The following USP6NL variants were observed in gnomAD, a reference collection of about 807,000 sequenced individuals.
USP6NL encodes USP6 N-terminal-like protein.
In USP6NL, 26 loss-of-function variants were observed where a neutral mutation model predicts 61.9. The ratio of observed to expected loss-of-function variants is 0.42; its 90% confidence interval spans 0.31 to 0.58. USP6NL has a LOEUF of 0.58. Ranked by LOEUF, USP6NL falls within the 20% of genes least tolerant of loss-of-function variation. USP6NL has a pLI of 0.16. For missense variants in USP6NL, 1,114 were observed against 1,034.3 expected, an observed-to-expected ratio of 1.08 and a Z score of -1.06; for synonymous variants, 432 against 390.1, an observed-to-expected ratio of 1.11 and a Z score of -1.27.
intron 14 of USP6NL, among the ~76,000 whole-genome samples, chr10:11,469,806 C>T (rs1227949597): frequency 3.3e-5 from 5 of 152,230 alleles, no homozygotes; most frequent in Admixed American, 3.3e-4. Flanking sequence ...TGCCAGCTCA[C>T]TCCTGCTTTC....
intron 14 of USP6NL, among the ~76,000 whole-genome samples, chr10:11,471,537 TG>T (rs1832749602): frequency 6.6e-6 from 1 of 152,216 alleles, no homozygotes; most frequent in Non-Finnish European, 1.5e-5. Context: ...GTATGTTTAC[TG>T]TGGCACTATT....
intron 1 of USP6NL, among the ~76,000 whole-genome samples, chr10:11,608,742 T>C (rs1838786017): frequency 6.6e-6 from 1 of 152,144 alleles, no homozygotes; most frequent in Admixed American, 6.5e-5. Context: ...ACTCAAAAAA[T>C]AATGGTTGAA....
intron 6 of USP6NL, among the ~76,000 whole-genome samples, chr10:11,506,338 T>C (rs1834431020): frequency 6.6e-6 from 1 of 152,158 alleles, no homozygotes; most frequent in Non-Finnish European, 1.5e-5. Context: ...CTTCACTTCA[T>C]AGACTATATT....
At position 11,602,184 on chromosome 10, in the gene USP6NL, A is replaced by C. The variant is rs777948406; in HGVS notation, c.-83-4467T>G. On this transcript the variant is annotated intron_variant, in intron 1 of 14. Coordinates refer to ENST00000609104, the MANE Select transcript of USP6NL (RefSeq NM_014688.5). This position sits in a 1 kb window ranked among gnomAD's most constrained non-coding sequence, Gnocchi z 4.8. ...TAAAGAAATTCAATGACAATGAATG[A>C]ATAAACAACGAGCAACGTATTTAAC... Among the ~76,000 whole-genome samples the C allele has an allele frequency of 2.0e-4, 31 of 152,194 alleles. No individual in the cohort carries two copies. The highest frequency in any genetic ancestry group is 4.1e-4 in the Non-Finnish European group (28 of 68,032).
chr10:11,515,930 G>T (rs868160849), intron 5 of USP6NL, among the ~76,000 whole-genome samples: 2 of 152,040 alleles, frequency 1.3e-5, no homozygotes, highest in Non-Finnish European at 2.9e-5. Flanking sequence ...AGATTTTTTT[G>T]ATATAAATAG....
rs371788306 is a variant in USP6NL at position 11,574,807 on chromosome 10, T to C, written c.4+22824A>G. Reference sequence around the variant, plus strand: ...GTTAAAGGCTTGTTATTTTCCCATTTTTCAGCTGGACAACTGAGCACAGTG... The same window carrying C: ...GTTAAAGGCTTGTTATTTTCCCATTCTTCAGCTGGACAACTGAGCACAGTG... On this transcript the variant is annotated intron_variant, in intron 2 of 14. Coordinates refer to ENST00000609104, the MANE Select transcript of USP6NL (RefSeq NM_014688.5). This position sits in a 1 kb window ranked among gnomAD's most constrained non-coding sequence, Gnocchi z 4.3. 1.3e-5 allele frequency among the ~76,000 whole-genome samples: 2 copies of C among 152,340 alleles called. No individual in the cohort carries two copies. The highest frequency in any genetic ancestry group is 4.8e-5 in the African/African-American group (2 of 41,580).
At chr10:11,557,658 A>G (rs1314301109) in intron 2 of USP6NL, among the ~76,000 whole-genome samples, 1 of 152,236 alleles carries the variant, frequency 6.6e-6, no homozygotes, top group Non-Finnish European at 1.5e-5. Context: ...TGATGACACG[A>G]AAGAACAAGA....
In USP6NL at chr10:11,602,420, G is replaced by C. The variant is rs544955830; in HGVS notation, c.-83-4703C>G. ...TTACAATAAATATATAATGTATAAT[G>C]CATAATAAATCTTACTATTCATTCA... On this transcript the variant is annotated intron_variant, in intron 1 of 14. Transcript: ENST00000609104. The surrounding 1 kb of genome is among the most constrained non-coding windows in gnomAD (Gnocchi z 4.8). Among the ~76,000 whole-genome samples, 83 of 152,026 alleles carry C rather than the reference G, an allele frequency of 5.5e-4. 1 individual carries two copies. The highest frequency in any genetic ancestry group is 9.2e-4 in the Admixed American group (14 of 15,258).
chr10:11,554,162 T>C (rs976449707), intron 2 of USP6NL, among the ~76,000 whole-genome samples: 1 of 151,994 alleles, frequency 6.6e-6, no homozygotes, highest in Non-Finnish European at 1.5e-5. Context: ...GAGAGCAGAG[T>C]ACACACAGAA....
At chr10:11,568,994 ACTGT>A (rs1217585478) in intron 2 of USP6NL, among the ~76,000 whole-genome samples, 1 of 152,244 alleles carries the variant, frequency 6.6e-6, no homozygotes, top group African/African-American at 2.4e-5. Flanking sequence ...GACAATGAAC[ACTGT>A]CTGTCACAAG....
At chr10:11,488,711 C>T (rs185310413) in intron 10 of USP6NL, among the ~76,000 whole-genome samples, 257 of 152,264 alleles carry the variant, frequency 1.7e-3, no homozygotes, top group South Asian at 5.0e-3. Flanking sequence ...TCACAATATC[C>T]AGTCAATGGT....
At chr10:11,607,191 T>C (rs1247521792) in intron 1 of USP6NL, among the ~76,000 whole-genome samples, 5 of 152,204 alleles carry the variant, frequency 3.3e-5, no homozygotes, top group Non-Finnish European at 7.3e-5. Flanking sequence ...ACCTAGCTCA[T>C]ACATATATAC....
At chr10:11,557,411 C>A (rs1836750397) in intron 2 of USP6NL, among the ~76,000 whole-genome samples, 1 of 152,182 alleles carries the variant, frequency 6.6e-6, no homozygotes, top group Non-Finnish European at 1.5e-5. Context: ...GATAAAACCA[C>A]AACTATAGAT....
chr10:11,500,996 T>C, intron 7 of USP6NL, 105 bp downstream of exon 7: 2 of 864,128 alleles, frequency 2.3e-6, no homozygotes, highest in Non-Finnish European at 1.6e-6. Flanking sequence ...AGAATTTTAA[T>C]ATAATTTTAA....
At chr10:11,543,607 C>T (rs1342233154) in intron 2 of USP6NL, among the ~76,000 whole-genome samples, 2 of 151,786 alleles carry the variant, frequency 1.3e-5, no homozygotes, top group African/African-American at 4.8e-5. Flanking sequence ...TATATATTAT[C>T]TTCCTAATAG....
intron 6 of USP6NL, among the ~76,000 whole-genome samples, chr10:11,507,972 T>C (rs1050487891): frequency 6.6e-6 from 1 of 152,214 alleles, no homozygotes; most frequent in Non-Finnish European, 1.5e-5. Context: ...GCTATACTAC[T>C]GCTTCTGTGG....
In USP6NL at chr10:11,484,339, C is replaced by T. The variant is rs186298886; in HGVS notation, c.925+632G>A. Among the ~76,000 whole-genome samples, 4 of 151,188 alleles carry T rather than the reference C, an allele frequency of 2.6e-5. No homozygotes were observed. The East Asian group carries it at 7.7e-4, about 29-fold the overall frequency. On this transcript the variant is annotated intron_variant, in intron 13 of 14. Coordinates refer to ENST00000609104, the MANE Select transcript of USP6NL (RefSeq NM_014688.5). ...TTCTTTATTTTAAAGTAAGGCATAA[C>T]ATATCAAATTTATAGAGCCCTTAAA...
In USP6NL at chr10:11,528,676, A is replaced by C. The variant is rs1400056635; in HGVS notation, c.5-1109T>G. Among the ~76,000 whole-genome samples, 1 of 152,240 alleles carries C rather than the reference A, an allele frequency of 6.6e-6. No homozygotes were observed. Among genetic ancestry groups the C allele is most frequent in the East Asian group, 1.9e-4 (1 of 5,208 alleles). On this transcript the variant is annotated intron_variant, in intron 2 of 14. Transcript: ENST00000609104. The surrounding 1 kb of genome is among the most constrained non-coding windows in gnomAD (Gnocchi z 4.6). ...TATAAAAATGATGACTAAAGACATG[A>C]AAAAGGACTTCCAGTTACCGATGGC...
Position 11,532,279 on chromosome 10 carries a change from C to T in USP6NL, c.5-4712G>A, listed in dbSNP as rs147961640. ...GATTTCATTATTATTTTATAGTTCTCGAACACACCAAGAGTGCTGCCCGGC... is the reference window on the plus strand; with the variant it reads ...GATTTCATTATTATTTTATAGTTCTTGAACACACCAAGAGTGCTGCCCGGC... On this transcript the variant is annotated intron_variant, in intron 2 of 14. Coordinates refer to ENST00000609104, the MANE Select transcript of USP6NL (RefSeq NM_014688.5). This position sits in a 1 kb window ranked among gnomAD's most constrained non-coding sequence, Gnocchi z 4.1. The T allele has an allele frequency of 5.2e-6, 8 of 1,530,336 alleles. No homozygotes were observed. Among genetic ancestry groups the T allele is most frequent in the Admixed American group, 4.1e-5 (2 of 48,868 alleles). The allele number at this position is 1,530,336 out of a possible 1,614,324, so 94.8% of individuals were successfully genotyped here.
Sources: allele counts gnomAD v4.1 joint callset (sites outside exome capture counted in the v4.1 genomes callset), GRCh38; gene constraint gnomAD v4.1.1; non-coding constraint Gnocchi (gnomAD v3.1); transcripts MANE v1.5; gene names NCBI Gene and HGNC (gene_info 2026-07-23, HGNC 2026-07-21).